The following GRID1 variants were observed in gnomAD, a reference collection of about 807,000 sequenced individuals.
GRID1 encodes glutamate ionotropic receptor delta type subunit 1.
Under a neutral mutation model 98.0 loss-of-function variants are expected in GRID1, and 28 were observed. The observed-to-expected ratio is 0.29, with a 90% CI of 0.21 to 0.39. The LOEUF is 0.39. Ranked by LOEUF, GRID1 falls within the 10% of genes least tolerant of loss-of-function variation. GRID1 has a pLI of 1.00. For synonymous variants in GRID1, 553 were observed against 538.5 expected (o/e 1.03, Z -0.37); for missense variants, 1,111 against 1,340.5 (o/e 0.83, Z 2.67).
At chr10:85,919,145 G>T (rs945723253) in intron 4 of GRID1, among the ~76,000 whole-genome samples, 1 of 152,220 alleles carries the variant, frequency 6.6e-6, no homozygotes, top group African/African-American at 2.4e-5. Flanking sequence ...GAGGTTCTCT[G>T]CTTGTCCTGG....
At position 86,161,303 on chromosome 10, in the gene GRID1, G is replaced by A. The variant is rs148994076; in HGVS notation, c.521-22279C>T. ...CACATTCAGGTAGCTAGAGGTTTCTGAAGCCTGCATAGGGGGTGGTGTAAG... is the reference window on the plus strand; with the variant it reads ...CACATTCAGGTAGCTAGAGGTTTCTAAAGCCTGCATAGGGGGTGGTGTAAG... On this transcript the variant is annotated intron_variant, in intron 3 of 15. Coordinates refer to ENST00000327946, the MANE Select transcript of GRID1 (RefSeq NM_017551.3). 5.2e-4 allele frequency among the ~76,000 whole-genome samples: 79 copies of A among 152,278 alleles called. 1 individual carries two copies. In the East Asian group the frequency reaches 0.014, roughly 26 times the overall value.
At chr10:86,008,030 G>A (rs901413143) in intron 4 of GRID1, among the ~76,000 whole-genome samples, 1 of 152,116 alleles carries the variant, frequency 6.6e-6, no homozygotes, top group Non-Finnish European at 1.5e-5. Flanking sequence ...GATGGGGTAA[G>A]AGACAGTGTA....
chr10:85,785,612 C>T (rs749130309), intron 8 of GRID1, among the ~76,000 whole-genome samples: 33 of 152,256 alleles, frequency 2.2e-4, no homozygotes, highest in Non-Finnish European at 3.4e-4. Context: ...CTCCTCCAGT[C>T]GCCAAGGACA....
intron 4 of GRID1, among the ~76,000 whole-genome samples, chr10:86,089,953 G>C (rs1844121023): frequency 6.6e-6 from 1 of 152,054 alleles, no homozygotes; most frequent in Non-Finnish European, 1.5e-5. Flanking sequence ...CGCCATGTTG[G>C]CCAGGCTGCT....
chr10:86,118,439 A>T (rs1716784089), intron 4 of GRID1, among the ~76,000 whole-genome samples: 1 of 152,216 alleles, frequency 6.6e-6, no homozygotes, highest in East Asian at 1.9e-4. Context: ...TAAAGAATTT[A>T]TTCATGTAAC....
intron 2 of GRID1, among the ~76,000 whole-genome samples, chr10:86,213,591 C>A (rs1364168523): frequency 6.6e-6 from 1 of 152,110 alleles, no homozygotes; most frequent in Non-Finnish European, 1.5e-5. Context: ...GGCCTTTTCC[C>A]ACACCCAGAT....
chr10:85,764,230 G>A (rs890212345), intron 8 of GRID1, among the ~76,000 whole-genome samples: 1 of 152,126 alleles, frequency 6.6e-6, no homozygotes, highest in South Asian at 2.1e-4. Flanking sequence ...TTTCATTCTA[G>A]GCTGCCAAGC....
intron 8 of GRID1, among the ~76,000 whole-genome samples, chr10:85,812,441 CAT>C (rs1842680095): frequency 6.6e-6 from 1 of 152,078 alleles, no homozygotes; most frequent in Non-Finnish European, 1.5e-5. Context: ...ACAAAGGTGA[CAT>C]ATATGTTGTG....
intron 8 of GRID1, among the ~76,000 whole-genome samples, chr10:85,811,883 A>T (rs1426983180): frequency 6.6e-6 from 1 of 152,186 alleles, no homozygotes; most frequent in Non-Finnish European, 1.5e-5. Context: ...AAACACAAAC[A>T]CATCCTCTCC....
chr10:86,110,078 T>C (rs1420719656), intron 4 of GRID1, among the ~76,000 whole-genome samples: 2 of 151,386 alleles, frequency 1.3e-5, no homozygotes, highest in Non-Finnish European at 2.9e-5. Flanking sequence ...GTTCAAGCAA[T>C]TCTCCTGTCT....
chr10:86,289,791 G>T (rs1348404877), intron 2 of GRID1, among the ~76,000 whole-genome samples: 1 of 152,148 alleles, frequency 6.6e-6, no homozygotes. Context: ...TTCAGGGATG[G>T]GCAGCCACCC....
At chr10:85,949,885 AAGAG>A (rs1049184734) in intron 4 of GRID1, among the ~76,000 whole-genome samples, 2 of 151,736 alleles carry the variant, frequency 1.3e-5, no homozygotes, top group African/African-American at 4.9e-5. Context: ...TACATATAAA[AAGAG>A]AGAGAGAGAA....
chr10:85,959,888 A>AT lies in GRID1; in HGVS notation c.727-43650dup, dbSNP rs989968161. ...ATATTTTTTTCATTTCTTTTGGGTA[A>AT]TTTTTTTTTTTAAGACAGGATCTCA... On this transcript the variant is annotated intron_variant, in intron 4 of 15. Coordinates refer to ENST00000327946, the MANE Select transcript of GRID1 (RefSeq NM_017551.3). Among the ~76,000 whole-genome samples the AT allele has an allele frequency of 4.6e-3, 685 of 147,418 alleles. 3 individuals are homozygous for AT. Among genetic ancestry groups the AT allele is most frequent in the African/African-American group, 0.015 (590 of 40,336 alleles).
intron 8 of GRID1, among the ~76,000 whole-genome samples, chr10:85,820,075 CAGGT>C (rs201150839): frequency 0.03 from 2,639 of 88,540 alleles, 68 homozygotes; most frequent in African/African-American, 0.048. Context: ...GGCAGGAAGG[CAGGT>C]AGGCAGGCAG....
intron 8 of GRID1, among the ~76,000 whole-genome samples, chr10:85,731,452 T>A (rs187869523): frequency 7.3e-6 from 1 of 136,262 alleles, no homozygotes; most frequent in African/African-American, 3.0e-5. Flanking sequence ...ACACTTTGGG[T>A]AATGATACAG....
chr10:86,225,711 G>A (rs186152959), intron 2 of GRID1, among the ~76,000 whole-genome samples: 3 of 152,304 alleles, frequency 2.0e-5, no homozygotes, highest in Admixed American at 2.0e-4. Flanking sequence ...GACCAGCTCA[G>A]AAACTTAGAG....
chr10:85,996,590 A>C (rs1405216903), intron 4 of GRID1, among the ~76,000 whole-genome samples: 1 of 152,166 alleles, frequency 6.6e-6, no homozygotes, highest in Admixed American at 6.5e-5. Context: ...GGGACCTATG[A>C]AACAAAAACA....
chr10:86,157,435 T>C (rs1018155136), intron 3 of GRID1, among the ~76,000 whole-genome samples: 3 of 152,124 alleles, frequency 2.0e-5, no homozygotes, highest in Non-Finnish European at 2.9e-5. Context: ...GACCACTGGG[T>C]ACTCGGAGGG....
At chr10:86,282,804 A>T (rs1364156291) in intron 2 of GRID1, among the ~76,000 whole-genome samples, 1 of 151,920 alleles carries the variant, frequency 6.6e-6, no homozygotes, top group Non-Finnish European at 1.5e-5. Flanking sequence ...CTAGATGTCC[A>T]CACCAGCCCT....
Sources: gnomAD v4.1 joint callset for allele counts (sites outside exome capture counted in the v4.1 genomes callset) on GRCh38, gnomAD v4.1.1 for gene constraint, MANE v1.5 for transcripts, NCBI Gene and HGNC (gene_info 2026-07-23, HGNC 2026-07-21) for gene names.